The following VSIR variants were observed in gnomAD, a reference collection of about 807,000 sequenced individuals.
VSIR encodes V-type immunoglobulin domain-containing suppressor of T-cell activation.
VSIR carries 10 observed loss-of-function variants against 31.0 expected under a neutral mutation model. The ratio of observed to expected loss-of-function variants is 0.32; its 90% confidence interval spans 0.20 to 0.55. The LOEUF (loss-of-function observed/expected upper bound fraction) is 0.55, where lower values mean the gene tolerates loss of function less well. VSIR is among the 20% of genes least tolerant of loss of function. The pLI is 0.93. For missense variants in VSIR, 356 were observed against 416.2 expected (o/e 0.86, Z 1.26); for synonymous variants, 179 against 180.1 (o/e 0.99, Z 0.05).
At chr10:71,762,135 G>A in intron 1 of VSIR, 109 bp from the exon 2 acceptor site, 2 of 1,292,874 alleles carry the variant, frequency 1.5e-6, no homozygotes, top group Non-Finnish European at 2.1e-6. Context: ...CACAGGCCAG[G>A]GGCATGTCAG....
At chr10:71,759,823 A>ACG (rs1229505884) in intron 3 of VSIR, among the ~76,000 whole-genome samples, 1 of 57,988 alleles carries the variant, frequency 1.7e-5, no homozygotes, top group African/African-American at 4.9e-5. Flanking sequence ...GAAAATATAC[A>ACG]CACACACACA....
intron 4 of VSIR, chr10:71,755,017 T>C (rs1032677038): frequency 4.1e-6 from 2 of 489,890 alleles, no homozygotes; most frequent in Non-Finnish European, 8.0e-6. Flanking sequence ...CGCCCATACC[T>C]TAAACAGGTC....
At chr10:71,766,561 C>T (rs1195110679) in intron 1 of VSIR, among the ~76,000 whole-genome samples, 1 of 152,216 alleles carries the variant, frequency 6.6e-6, no homozygotes, top group Non-Finnish European at 1.5e-5. Flanking sequence ...GTTTCTTCAT[C>T]TTAACCTGAG....
Position 71,773,349 on chromosome 10 carries a change from C to T in VSIR, c.82+9G>A, listed in dbSNP as rs745459403. The T allele has an allele frequency of 2.5e-6, 4 of 1,603,490 alleles. No individual in the cohort carries two copies. The highest frequency in any genetic ancestry group is 3.4e-6 in the Non-Finnish European group (4 of 1,175,284). ...CTTTTTCCCAGCGCCCCGCCTCCCC[C>T]GACCTTACCTAGGGACGCAGCCAGG... On this transcript the variant is annotated intron_variant, in intron 1 of 6. Coordinates refer to ENST00000394957, the MANE Select transcript of VSIR (RefSeq NM_022153.2).
rs143443776 is a variant in VSIR at position 71,769,010 on chromosome 10, G to T, written c.82+4348C>A. On this transcript the variant is annotated intron_variant, in intron 1 of 6. Transcript: ENST00000394957. ...TCTCTAGAGAATAGAGGTAGCTGGG[G>T]ACTGACTGGAGGCCCCACCTCCTTC... Among the ~76,000 whole-genome samples the T allele has an allele frequency of 3.0e-3, 461 of 152,312 alleles. 3 individuals carry two copies. Among genetic ancestry groups the T allele is most frequent in the African/African-American group, 0.01 (435 of 41,562 alleles).
chr10:71,759,986 T>G lies in VSIR; in HGVS notation c.568+882A>C, dbSNP rs2132883140. Among the ~76,000 whole-genome samples the G allele has an allele frequency of 2.8e-5, 2 of 70,554 alleles. 1 individual carries two copies. The highest frequency in any genetic ancestry group is 7.6e-4 in the East Asian group (2 of 2,618). 46.3% of individuals were successfully genotyped at this position (70,554 alleles called of 152,430 possible). On this transcript the variant is annotated intron_variant, in intron 3 of 6. Coordinates refer to ENST00000394957, the MANE Select transcript of VSIR (RefSeq NM_022153.2). Reference sequence around the variant, plus strand: ...ACATATATATACACACACACATATATATACACACACACATACATATATATA... The same window carrying G: ...ACATATATATACACACACACATATAGATACACACACACATACATATATATA...
At chr10:71,771,372 C>T (rs1840680061) in intron 1 of VSIR, among the ~76,000 whole-genome samples, 1 of 152,232 alleles carries the variant, frequency 6.6e-6, no homozygotes, top group African/African-American at 2.4e-5. Context: ...AACAGGCTGG[C>T]CCCGGCCACT....
At chr10:71,763,761 T>G (rs57463336) in intron 1 of VSIR, among the ~76,000 whole-genome samples, 4,086 of 152,330 alleles carry the variant, frequency 0.027, 199 homozygotes, top group African/African-American at 0.093. Flanking sequence ...CGCTTGGTAC[T>G]TGGGAGCTAG....
Position 71,759,872 on chromosome 10 carries a change from T to TACACACACACACATATATATAC in VSIR, c.568+995_568+996insGTATATATATGTGTGTGTGTGT, listed in dbSNP as rs1564779199. 1.7e-4 allele frequency among the ~76,000 whole-genome samples: 6 copies of TACACACACACACATATATATAC among 34,866 alleles called. 2 individuals carry two copies. Among genetic ancestry groups the TACACACACACACATATATATAC allele is most frequent in the Non-Finnish European group, 4.5e-4 (6 of 13,342 alleles). 22.9% of individuals were successfully genotyped at this position (34,866 alleles called of 152,430 possible). ...ATATACACACACACACACATATATA[T>TACACACACACACATATATATAC]ACACACACACACATATACACACACA... On this transcript the variant is annotated intron_variant, in intron 3 of 6. Transcript: ENST00000394957.
chr10:71,773,261 TGA>T (rs1246519844), intron 1 of VSIR, 95 bp downstream of exon 1: 13 of 1,371,234 alleles, frequency 9.5e-6, no homozygotes, highest in Non-Finnish European at 1.3e-5. Flanking sequence ...TCACACAGGC[TGA>T]GAGGGCCCCC....
At chr10:71,761,567 C>T (rs368289633) in intron 2 of VSIR, 31 bp downstream of exon 2, 17 of 1,533,138 alleles carry the variant, frequency 1.1e-5, no homozygotes, top group Admixed American at 1.9e-5. Context: ...CCTCCACACA[C>T]GCCAGGCTGT....
intron 3 of VSIR, 139 bp downstream of exon 3, chr10:71,760,729 G>A: frequency 1.3e-6 from 1 of 760,874 alleles, no homozygotes; most frequent in Non-Finnish European, 2.3e-6. Flanking sequence ...GAAGGGATGT[G>A]CAGCAGCAGA....
intron 3 of VSIR, among the ~76,000 whole-genome samples, chr10:71,759,888 T>C (rs1260477338): frequency 3.3e-5 from 1 of 29,942 alleles, no homozygotes; most frequent in Non-Finnish European, 1.1e-4. Flanking sequence ...CACACACATA[T>C]ACACACACAC....
intron 3 of VSIR, 168 bp downstream of exon 3, chr10:71,760,700 T>C (rs1330782666): frequency 1.7e-5 from 11 of 657,340 alleles, no homozygotes; most frequent in African/African-American, 7.2e-5. Context: ...CTTCTGGGGA[T>C]TGCACCAAGG....
At chr10:71,754,036 T>A (rs1368428560) in intron 4 of VSIR, among the ~76,000 whole-genome samples, 1 of 152,200 alleles carries the variant, frequency 6.6e-6, no homozygotes, top group African/African-American at 2.4e-5. Flanking sequence ...CAAACTGCCG[T>A]CCTCAAGGCT....
At position 71,751,908 on chromosome 10, in the gene VSIR, G is replaced by C. The variant is rs766939172; in HGVS notation, c.705-47C>G. On this transcript the variant is annotated intron_variant, in intron 5 of 6. Transcript: ENST00000394957. The surrounding 1 kb of genome is among the most constrained non-coding windows in gnomAD (Gnocchi z 4.9). ...AGGTCATCTGTGCTGTCCGGAGCGT[G>C]AACTCTGCCCTCCCTGCCCCCAGTT... 2.0e-6 allele frequency: 3 copies of C among 1,525,436 alleles called. No individual in the cohort carries two copies. Among genetic ancestry groups the C allele is most frequent in the Non-Finnish European group, 2.7e-6 (3 of 1,127,782 alleles). The allele number at this position is 1,525,436 out of a possible 1,614,324, so 94.5% of individuals were successfully genotyped here.
intron 5 of VSIR, among the ~76,000 whole-genome samples, chr10:71,752,429 G>A (rs896828341): frequency 6.6e-6 from 1 of 152,204 alleles, no homozygotes; most frequent in Non-Finnish European, 1.5e-5. Flanking sequence ...TACCGGGGCA[G>A]GAACTTGGGT....
In VSIR at chr10:71,773,377, G is replaced by A. The variant is rs937000626; in HGVS notation, c.63C>T (p.Leu21=). The A allele has an allele frequency of 1.2e-6, 2 of 1,609,746 alleles. No homozygotes were observed. Among genetic ancestry groups the A allele is most frequent in the Admixed American group, 1.7e-5 (1 of 59,666 alleles). ...CCTTACCTAGGGACGCAGCCAGGAA[G>A]AGAGCGAAGAGCAGGGATCCCCAGC... The part of the protein sequence containing the change: ...SWRWGSLLFA[L]FLAASLGPVA... Residue 21 remains leucine (L), a synonymous_variant, in exon 1 of 7, where the codon CTC becomes CTT. Coordinates refer to ENST00000394957, the MANE Select transcript of VSIR (RefSeq NM_022153.2).
chr10:71,763,007 G>A (rs901398825), intron 1 of VSIR, among the ~76,000 whole-genome samples: 1 of 152,132 alleles, frequency 6.6e-6, no homozygotes, highest in Non-Finnish European at 1.5e-5. Flanking sequence ...CTATCTAACT[G>A]TATGAGCCTC....
Sources: gnomAD v4.1 joint callset for allele counts (sites outside exome capture counted in the v4.1 genomes callset) on GRCh38, gnomAD v4.1.1 for gene constraint, Gnocchi (gnomAD v3.1) non-coding constraint, MANE v1.5 for transcripts, NCBI Gene and HGNC (gene_info 2026-07-23, HGNC 2026-07-21) for gene names.